HSPG2: variants seen among roughly 807,000 people sequenced by gnomAD.
HSPG2 encodes basement membrane-specific heparan sulfate proteoglycan core protein.
HSPG2 carries 278 observed loss-of-function variants against 526.6 expected under a neutral mutation model. The ratio of observed to expected loss-of-function variants is 0.53; its 90% confidence interval spans 0.48 to 0.58. The LOEUF (loss-of-function observed/expected upper bound fraction) is 0.58, where lower values mean the gene tolerates loss of function less well. Ranked by LOEUF, HSPG2 falls within the 20% of genes least tolerant of loss-of-function variation. HSPG2 has a pLI of 0.00. For missense variants in HSPG2, 5,354 were observed against 6,099.5 expected (o/e 0.88, Z 4.07); for synonymous variants, 2,465 against 2,555.4 (o/e 0.96, Z 1.07).
In HSPG2 at chr1:21,839,710, C is replaced by T. The variant is rs2098041057; in HGVS notation, c.9709+112G>A. Reference sequence around the variant, plus strand: ...TGGGGGATGCTAGCAACACGGTCTCCCCGTACTCCCCACCCCTGGGCATGA... The same window carrying T: ...TGGGGGATGCTAGCAACACGGTCTCTCCGTACTCCCCACCCCTGGGCATGA... On this transcript the variant is annotated intron_variant, in intron 72 of 96. Transcript: ENST00000374695. This position sits in a 1 kb window ranked among gnomAD's most constrained non-coding sequence, Gnocchi z 4.5. 16 of 1,399,174 alleles carry T rather than the reference C, an allele frequency of 1.1e-5. No individual in the cohort carries two copies. In the South Asian group the frequency reaches 1.9e-4, roughly 17 times the overall value. The allele number at this position is 1,399,174 out of a possible 1,614,324, so 86.7% of individuals were successfully genotyped here.
Position 21,875,068 on chromosome 1 carries a change from C to T in HSPG2, c.3303-66G>A, listed in dbSNP as rs565147587. On this transcript the variant is annotated intron_variant, in intron 25 of 96. Coordinates refer to ENST00000374695, the MANE Select transcript of HSPG2 (RefSeq NM_005529.7). ...CTGTGCCAGGCACGCCTGGAGTCCT[C>T]CACTGGCAGGGTCTTATTAGTCCTC... 54 of 1,181,832 alleles carry T rather than the reference C, an allele frequency of 4.6e-5. No homozygotes were observed. The African/African-American group carries it at 7.4e-4, about 16-fold the overall frequency. The allele number at this position is 1,181,832 out of a possible 1,614,324, so 73.2% of individuals were successfully genotyped here.
At chr1:21,914,026 G>A (rs981133010) in intron 1 of HSPG2, among the ~76,000 whole-genome samples, 6 of 152,210 alleles carry the variant, frequency 3.9e-5, no homozygotes, top group Non-Finnish European at 8.8e-5. Flanking sequence ...CCCAGGATCT[G>A]GTGTGTAGAG....
rs1051790880 is a variant in HSPG2, at chr1:21,839,735, A to G, written c.9709+87T>C. ...CCCGTACTCCCCACCCCTGGGCATG[A>G]CATCATCTCTAGATCACATGTGTCT... On this transcript the variant is annotated intron_variant, in intron 72 of 96. Coordinates refer to ENST00000374695, the MANE Select transcript of HSPG2 (RefSeq NM_005529.7). This position sits in a 1 kb window ranked among gnomAD's most constrained non-coding sequence, Gnocchi z 4.5. The G allele has an allele frequency of 6.7e-7, 1 of 1,482,364 alleles. No individual in the cohort carries two copies. Among genetic ancestry groups the G allele is most frequent in the Non-Finnish European group, 9.3e-7 (1 of 1,077,258 alleles). The allele number at this position is 1,482,364 out of a possible 1,614,324, so 91.8% of individuals were successfully genotyped here. A position where few individuals can be genotyped will look rare whatever the true frequency, so the allele number is the denominator to read the frequency against.
At position 21,864,967 on chromosome 1, in the gene HSPG2, G is replaced by A. The variant is rs371955842; in HGVS notation, c.4502C>T (p.Pro1501Leu). The A allele has an allele frequency of 1.0e-4, 164 of 1,597,076 alleles. No individual in the cohort carries two copies. The highest frequency in any genetic ancestry group is 1.7e-4 in the Middle Eastern group (1 of 6,020). Reference sequence around the variant, plus strand: ...GACTGCGCTGATGCTGGCCGCCAGCGGCACGGAGGAGAACGTGGCCCGGAT... The same window carrying A: ...GACTGCGCTGATGCTGGCCGCCAGCAGCACGGAGGAGAACGTGGCCCGGAT... ...LLIRATFSSV[P>L]LAASISAVSL... The change falls in exon 36 of 97, where the codon CCG becomes CTG. Residue 1501 changes from proline to leucine, a missense_variant. By Grantham distance (98) the Pro-to-Leu change is moderately conservative. Transcript: ENST00000374695. The surrounding 1 kb of genome is among the most constrained non-coding windows in gnomAD (Gnocchi z 4.8).
chr1:21,897,683 A>G (rs915175864), intron 1 of HSPG2, among the ~76,000 whole-genome samples: 16 of 152,204 alleles, frequency 1.1e-4, no homozygotes, highest in Admixed American at 9.2e-4. Flanking sequence ...TTCCATTTAT[A>G]TGAACCCTTA....
chr1:21,888,284 C>A (rs968401883), intron 6 of HSPG2, among the ~76,000 whole-genome samples: 1 of 152,190 alleles, frequency 6.6e-6, no homozygotes, highest in African/African-American at 2.4e-5. Flanking sequence ...CTAAAACAGA[C>A]CCCACACACA....
chr1:21,928,924 T>A (rs984452038), intron 1 of HSPG2, among the ~76,000 whole-genome samples: 3 of 149,310 alleles, frequency 2.0e-5, no homozygotes, highest in East Asian at 3.9e-4. Context: ...CTGATTTTTT[T>A]ATTATTATTA....
chr1:21,857,433 G>A (rs375371818), intron 42 of HSPG2, 48 bp from the exon 43 acceptor site: 26 of 1,532,528 alleles, frequency 1.7e-5, no homozygotes, highest in East Asian at 4.5e-5. Flanking sequence ...GCTAGGCCCC[G>A]GTCCTGTGGC....
At chr1:21,896,464 C>A (rs764686526) in intron 1 of HSPG2, among the ~76,000 whole-genome samples, 154 bp from the exon 2 acceptor site, 1 of 152,202 alleles carries the variant, frequency 6.6e-6, no homozygotes, top group Non-Finnish European at 1.5e-5. Context: ...CAGGCTGGGG[C>A]TGAACCCTTT....
Position 21,875,840 on chromosome 1 carries a change from C to T in HSPG2, c.3183+23G>A, listed in dbSNP as rs187774222. The T allele has an allele frequency of 3.3e-4, 523 of 1,605,084 alleles. 1 individual carries two copies. The highest frequency in any genetic ancestry group is 7.8e-4 in the South Asian group (71 of 91,080). Reference sequence around the variant, plus strand: ...AGCAAGGGCCTGCCCGCACCCCTACCCCCAGGGGACAGTATTGCTCACCTC... The same window carrying T: ...AGCAAGGGCCTGCCCGCACCCCTACTCCCAGGGGACAGTATTGCTCACCTC... On this transcript the variant is annotated intron_variant, in intron 24 of 96. Coordinates refer to ENST00000374695, the MANE Select transcript of HSPG2 (RefSeq NM_005529.7).
At chr1:21,905,253 A>C (rs1643315542) in intron 1 of HSPG2, among the ~76,000 whole-genome samples, 1 of 132,862 alleles carries the variant, frequency 7.5e-6, no homozygotes, top group African/African-American at 2.7e-5. Flanking sequence ...ACACCCACCC[A>C]CACACACCCA....
At chr1:21,854,568 C>T (rs1480651799) in intron 49 of HSPG2, 43 bp downstream of exon 49, 7 of 1,534,124 alleles carry the variant, frequency 4.6e-6, no homozygotes, top group Middle Eastern at 2.0e-4. Flanking sequence ...CGCCACAGCC[C>T]CTGCACCCTG....
At chr1:21,838,274 TG>T (rs1243483643) in intron 74 of HSPG2, among the ~76,000 whole-genome samples, 6 of 152,108 alleles carry the variant, frequency 3.9e-5, no homozygotes, top group African/African-American at 1.4e-4. Flanking sequence ...TCTTGACCAG[TG>T]GGCTACATGC....
In HSPG2 at chr1:21,858,731, G is replaced by C. The variant is rs1275321602; in HGVS notation, c.5293+835C>G. ...GCCACTGCACTTCTTTGCATTGAGG[G>C]CTTTCTCAGGCCACTGGAGCCCACA... On this transcript the variant is annotated intron_variant, in intron 42 of 96. Coordinates refer to ENST00000374695, the MANE Select transcript of HSPG2 (RefSeq NM_005529.7). This position sits in a 1 kb window ranked among gnomAD's most constrained non-coding sequence, Gnocchi z 4.2. Among the ~76,000 whole-genome samples, 2 of 152,188 alleles carry C rather than the reference G, an allele frequency of 1.3e-5. No homozygotes were observed. Among genetic ancestry groups the C allele is most frequent in the Non-Finnish European group, 2.9e-5 (2 of 68,036 alleles).
At chr1:21,861,870 TC>T in intron 38 of HSPG2, 27 bp from the exon 39 acceptor site, 1 of 1,613,518 alleles carries the variant, frequency 6.2e-7, no homozygotes, top group Non-Finnish European at 8.5e-7. Flanking sequence ...AAAGGTCAGG[TC>T]ATGGGAAGCC....
At chr1:21,932,594 G>C (rs1569722774) in intron 1 of HSPG2, among the ~76,000 whole-genome samples, 1 of 152,170 alleles carries the variant, frequency 6.6e-6, no homozygotes, top group Admixed American at 6.5e-5. Flanking sequence ...ACAAATACAG[G>C]CCAGACAATT....
In HSPG2 at chr1:21,853,176, C is replaced by T. The variant is rs943754865; in HGVS notation, c.6440-106G>A. 5 of 1,508,050 alleles carry T rather than the reference C, an allele frequency of 3.3e-6. No individual in the cohort carries two copies. In the Admixed American group the frequency reaches 5.5e-5, roughly 17 times the overall value. The allele number at this position is 1,508,050 out of a possible 1,614,324, so 93.4% of individuals were successfully genotyped here. A position where few individuals can be genotyped will look rare whatever the true frequency, so the allele number is the denominator to read the frequency against. ...ACCAGGCCCTAGTGGGGACGGCCGA[C>T]AGGTGGCCTTTCTGGGACTAGGGCC... On this transcript the variant is annotated intron_variant, in intron 50 of 96. Coordinates refer to ENST00000374695, the MANE Select transcript of HSPG2 (RefSeq NM_005529.7).
rs768968248 is a variant in HSPG2, at chr1:21,850,189, A to G, written c.7298T>C (p.Leu2433Pro). The stretch of plus-strand genomic sequence containing the variant: ...GATCCGGACCGTGGGGGTGACCCCA[A>G]GTGCTGGGGACAGAGGGCAAAGGGT... ...TIEPAGSVPA[L>P]GVTPTVRIES... Residue 2433 changes from leucine (L) to proline (P), a missense_variant, in exon 57 of 97, where the codon CTT (leucine) becomes CCT (proline). Coordinates refer to ENST00000374695, the MANE Select transcript of HSPG2 (RefSeq NM_005529.7). The G allele has an allele frequency of 1.5e-5, 25 of 1,613,348 alleles. No homozygotes were observed. The highest frequency in any genetic ancestry group is 1.9e-5 in the Non-Finnish European group (22 of 1,180,036).
Position 21,904,200 on chromosome 1 carries a change from T to A in HSPG2, c.64-7890A>T, listed in dbSNP as rs1213492035. The stretch of plus-strand genomic sequence containing the variant: ...GGGGCCGGCAGAGCCCAGGGGAGGG[T>A]CCCCTCACTTAGGGAGGTGGCTGGG... On this transcript the variant is annotated intron_variant, in intron 1 of 96. Coordinates refer to ENST00000374695, the MANE Select transcript of HSPG2 (RefSeq NM_005529.7). The surrounding 1 kb of genome is among the most constrained non-coding windows in gnomAD (Gnocchi z 4.4). 6.6e-6 allele frequency among the ~76,000 whole-genome samples: 1 copy of A among 151,510 alleles called. No homozygotes were observed. Among genetic ancestry groups the A allele is most frequent in the Non-Finnish European group, 1.5e-5 (1 of 67,894 alleles).
Sources: allele counts gnomAD v4.1 joint callset (sites outside exome capture counted in the v4.1 genomes callset), GRCh38; gene constraint gnomAD v4.1.1; non-coding constraint Gnocchi (gnomAD v3.1); transcripts MANE v1.5; gene names NCBI Gene and HGNC (gene_info 2026-07-23, HGNC 2026-07-21).